The following PPP1R14C variants were observed in gnomAD, a reference collection of about 807,000 sequenced individuals.
PPP1R14C encodes protein phosphatase 1 regulatory subunit 14C.
A neutral mutation model predicts 20.4 loss-of-function variants in PPP1R14C; 16 were observed. That is an observed-to-expected ratio of 0.78 (90% CI 0.53 to 1.19). The LOEUF (loss-of-function observed/expected upper bound fraction) is 1.19, where lower values mean the gene tolerates loss of function less well. Ranked by LOEUF, PPP1R14C falls within the 50% of genes most tolerant of loss-of-function variation. The pLI is 0.00. For missense variants in PPP1R14C, 211 were observed against 220.1 expected (o/e 0.96, Z 0.26); for synonymous variants, 91 against 91.0 (o/e 1.00, Z 0.00).
At chr6:150,198,200 G>C (rs55711893) in intron 1 of PPP1R14C, among the ~76,000 whole-genome samples, 16 of 111,994 alleles carry the variant, frequency 1.4e-4, no homozygotes, top group South Asian at 6.4e-4. Flanking sequence ...TGTGCCCCTG[G>C]CCGCCACGGT....
intron 1 of PPP1R14C, among the ~76,000 whole-genome samples, chr6:150,189,542 C>T (rs773519761): frequency 4.4e-5 from 5 of 114,854 alleles, no homozygotes; most frequent in African/African-American, 8.6e-5. Flanking sequence ...ATTTGGAAAA[C>T]ATTCTGCTTT....
chr6:150,237,414 G>T (rs1264137976), intron 3 of PPP1R14C, among the ~76,000 whole-genome samples: 1 of 152,072 alleles, frequency 6.6e-6, no homozygotes, highest in Non-Finnish European at 1.5e-5. Flanking sequence ...TATTGGTCAC[G>T]ATGGTCTCGA....
At chr6:150,171,040 C>T (rs770310875) in intron 1 of PPP1R14C, among the ~76,000 whole-genome samples, 11 of 152,052 alleles carry the variant, frequency 7.2e-5, no homozygotes, top group South Asian at 2.1e-4. Flanking sequence ...CCAACTCCCC[C>T]GGCGTGACCC....
intron 1 of PPP1R14C, among the ~76,000 whole-genome samples, chr6:150,154,869 C>T (rs1195376429): frequency 6.6e-6 from 1 of 152,158 alleles, no homozygotes; most frequent in Non-Finnish European, 1.5e-5. Flanking sequence ...AATCTGACAG[C>T]ACAGACACTC....
intron 1 of PPP1R14C, among the ~76,000 whole-genome samples, chr6:150,153,977 G>A (rs1777278425): frequency 6.6e-6 from 1 of 152,148 alleles, no homozygotes; most frequent in Non-Finnish European, 1.5e-5. Context: ...AAAAGTAAAG[G>A]AACGAACACT....
intron 1 of PPP1R14C, among the ~76,000 whole-genome samples, chr6:150,200,362 G>A (rs1777861956): frequency 6.6e-6 from 1 of 152,088 alleles, no homozygotes; most frequent in Non-Finnish European, 1.5e-5. Flanking sequence ...TGGTGCCGGG[G>A]TCCGAATTAC....
rs116334197 is a variant in PPP1R14C, at chr6:150,170,895, T to G, written c.306+27397T>G. On this transcript the variant is annotated intron_variant, in intron 1 of 3. Coordinates refer to ENST00000361131, the MANE Select transcript of PPP1R14C (RefSeq NM_030949.3). ...TTATGACTATAAAATTAACTTTTAT[T>G]TAACATTTTTTTACAAAATACATTT... Among the ~76,000 whole-genome samples the G allele has an allele frequency of 8.4e-3, 1,275 of 152,254 alleles. 16 individuals carry two copies. The highest frequency in any genetic ancestry group is 0.03 in the African/African-American group (1,227 of 41,540).
chr6:150,179,656 A>G (rs11965975), intron 1 of PPP1R14C, among the ~76,000 whole-genome samples: 5,233 of 152,064 alleles, frequency 0.034, 274 homozygotes, highest in African/African-American at 0.11. Context: ...AAAAAAAAAA[A>G]GGGGATAATA....
At chr6:150,198,383 G>T (rs1777835398) in intron 1 of PPP1R14C, among the ~76,000 whole-genome samples, 1 of 152,262 alleles carries the variant, frequency 6.6e-6, no homozygotes, top group South Asian at 2.1e-4. Flanking sequence ...CCGGCTTTGT[G>T]TGTCCCTGCT....
chr6:150,216,148 G>C (rs149590077), intron 2 of PPP1R14C, among the ~76,000 whole-genome samples: 1 of 152,316 alleles, frequency 6.6e-6, no homozygotes, highest in East Asian at 1.9e-4. Flanking sequence ...ATGGATGCTT[G>C]AGCATCCCTG....
intron 1 of PPP1R14C, among the ~76,000 whole-genome samples, chr6:150,156,759 A>G (rs1777310235): frequency 6.6e-6 from 1 of 152,236 alleles, no homozygotes; most frequent in Non-Finnish European, 1.5e-5. Flanking sequence ...TATTAAAACT[A>G]AAAAACAACA....
intron 3 of PPP1R14C, among the ~76,000 whole-genome samples, chr6:150,232,757 C>G (rs945056665): frequency 4.6e-5 from 7 of 152,110 alleles, no homozygotes; most frequent in Non-Finnish European, 1.5e-5. Context: ...TTTGTCTACC[C>G]CTGCATTTTG....
At chr6:150,183,599 C>G (rs937273347) in intron 1 of PPP1R14C, among the ~76,000 whole-genome samples, 3 of 152,180 alleles carry the variant, frequency 2.0e-5, no homozygotes, top group South Asian at 2.1e-4. Flanking sequence ...GCAACCTCCA[C>G]TGTCCGAGTT....
chr6:150,174,371 C>G (rs1275869902), intron 1 of PPP1R14C, among the ~76,000 whole-genome samples: 15 of 151,926 alleles, frequency 9.9e-5, no homozygotes, highest in Non-Finnish European at 1.9e-4. Context: ...CGGTGCCCCC[C>G]ACCACTCCCA....
intron 1 of PPP1R14C, among the ~76,000 whole-genome samples, chr6:150,157,756 G>C (rs1488424584): frequency 6.6e-6 from 1 of 152,202 alleles, no homozygotes; most frequent in Non-Finnish European, 1.5e-5. Context: ...GTCACCTCCA[G>C]AATGAATCCA....
At chr6:150,229,624 TA>T in intron 3 of PPP1R14C, among the ~76,000 whole-genome samples, 1 of 152,326 alleles carries the variant, frequency 6.6e-6, no homozygotes, top group Middle Eastern at 3.4e-3. Flanking sequence ...AATTACTATT[TA>T]AAGGCAGATA....
intron 1 of PPP1R14C, among the ~76,000 whole-genome samples, chr6:150,197,539 T>C (rs184136778): frequency 3.0e-4 from 45 of 152,364 alleles, no homozygotes; most frequent in Non-Finnish European, 4.9e-4. Context: ...GCTTTAAGAT[T>C]GGCACATTGC....
At chr6:150,172,146 T>C (rs996962998) in intron 1 of PPP1R14C, among the ~76,000 whole-genome samples, 19 of 152,208 alleles carry the variant, frequency 1.2e-4, no homozygotes, top group African/African-American at 3.6e-4. Context: ...ATTTATGTTA[T>C]GTATTCATCA....
At chr6:150,222,360 A>G (rs1422971020) in intron 3 of PPP1R14C, among the ~76,000 whole-genome samples, 1 of 152,106 alleles carries the variant, frequency 6.6e-6, no homozygotes, top group Non-Finnish European at 1.5e-5. Flanking sequence ...GCTCACTCCC[A>G]TCCACCTCAC....
Sources: gnomAD v4.1 joint callset for allele counts (sites outside exome capture counted in the v4.1 genomes callset) on GRCh38, gnomAD v4.1.1 for gene constraint, MANE v1.5 for transcripts, NCBI Gene and HGNC (gene_info 2026-07-23, HGNC 2026-07-21) for gene names.